The following GLOD4 variants were observed in gnomAD, a reference collection of about 807,000 sequenced individuals.
The protein encoded by GLOD4 is glyoxalase domain containing 4.
In GLOD4, 44 loss-of-function variants were observed where a neutral mutation model predicts 39.1. That is an observed-to-expected ratio of 1.13 (90% CI 0.88 to 1.45). The LOEUF is 1.45. GLOD4 is among the 40% of genes most tolerant of loss of function. The pLI, the probability that GLOD4 is intolerant of heterozygous loss-of-function variation, is 0.00. For synonymous variants in GLOD4, 145 were observed against 135.0 expected, an observed-to-expected ratio of 1.07 and a Z score of -0.52; for missense variants, 405 against 366.4, an observed-to-expected ratio of 1.11 and a Z score of -0.86.
chr17:767,572 C>CA (rs1906840494), intron 8 of GLOD4, among the ~76,000 whole-genome samples: 5 of 148,508 alleles, frequency 3.4e-5, no homozygotes, highest in Non-Finnish European at 7.4e-5. Context: ...AGAAACAGCG[C>CA]ACACTCAGAT....
At chr17:784,603 T>C (rs11655529), upstream of GLOD4, among the ~76,000 whole-genome samples, 2,177 of 152,282 alleles carry the variant, frequency 0.014, 33 homozygotes, top group East Asian at 0.058. Context: ...ATCTTGAACT[T>C]CATCATCATA....
At chr17:783,877 T>G (rs1423816624), upstream of GLOD4, among the ~76,000 whole-genome samples, 2 of 152,240 alleles carry the variant, frequency 1.3e-5, no homozygotes, top group Non-Finnish European at 2.9e-5. Context: ...TTTAGATTAC[T>G]TCTTCAACTT....
At chr17:763,139 C>T (rs4408594) in intron 8 of GLOD4, among the ~76,000 whole-genome samples, 23,230 of 149,318 alleles carry the variant, frequency 0.16, 2,105 homozygotes, top group East Asian at 0.33. Flanking sequence ...GCCGAGATCA[C>T]GCCACTGCAC....
chr17:769,496 C>G (rs1446628630), intron 8 of GLOD4, among the ~76,000 whole-genome samples: 35 of 57,730 alleles, frequency 6.1e-4, no homozygotes, highest in African/African-American at 2.3e-3. Context: ...CATCTCCATG[C>G]AGAGAGCTGA....
chr17:782,076 G>T (rs1180882309), intron 1 of GLOD4, 90 bp downstream of exon 1: 3 of 913,392 alleles, frequency 3.3e-6, no homozygotes, highest in Non-Finnish European at 5.0e-6. Flanking sequence ...TTAGGTTCAC[G>T]ACACACCCAT....
intron 1 of GLOD4, among the ~76,000 whole-genome samples, chr17:779,319 TAAAAAAAAAAAAAAAAAA>T (rs34487169): frequency 9.2e-5 from 4 of 43,358 alleles, no homozygotes; most frequent in Admixed American, 4.3e-4. Flanking sequence ...CATCTCAAAT[TAAAAAAAAAAAAAAAAAA>T]AAAAAAAAAA....
upstream of GLOD4, chr17:782,737 C>T (rs1312477447): frequency 6.5e-7 from 1 of 1,543,878 alleles, no homozygotes; most frequent in Admixed American, 1.9e-5. Context: ...TTTCCCTTCC[C>T]GTCGCACAGC....
chr17:760,234 A>T lies in GLOD4; in HGVS notation c.836T>A (p.Met279Lys), dbSNP rs770288179. 1 of 1,565,134 alleles carries T rather than the reference A, an allele frequency of 6.4e-7. No individual in the cohort carries two copies. The highest frequency in any genetic ancestry group is 8.8e-7 in the Non-Finnish European group (1 of 1,135,136). The change falls in exon 9 of 9, where the codon ATG (methionine) becomes AAG (lysine). Residue 279 changes from methionine to lysine, a missense_variant. Transcript: ENST00000301329. Reference protein sequence around the residue: ...PEGSKLLDDAMAADKSDEWFA... With the variant: ...PEGSKLLDDAKAADKSDEWFA... ...CCACTCGTCACTTTTATCTGCTGCCATTGCCTGTAAAATAGAAATAGAATA... is the reference window on the plus strand; with the variant it reads ...CCACTCGTCACTTTTATCTGCTGCCTTTGCCTGTAAAATAGAAATAGAATA...
chr17:778,474 A>C, intron 2 of GLOD4: 1 of 597,518 alleles, frequency 1.7e-6, no homozygotes. Context: ...ACGCTCCTGA[A>C]GTTGCCTCCC....
chr17:770,541 G>A, intron 5 of GLOD4, 34 bp from the exon 6 acceptor site: 1 of 949,570 alleles, frequency 1.1e-6, no homozygotes. Flanking sequence ...TTTTGGAACA[G>A]GTTATACATT....
chr17:779,159 A>G (rs796728117), intron 1 of GLOD4, among the ~76,000 whole-genome samples: 8 of 152,120 alleles, frequency 5.3e-5, no homozygotes, highest in African/African-American at 1.9e-4. Flanking sequence ...AACTAAAAAT[A>G]CAAAAATTAG....
chr17:771,675 G>A (rs1907967167), intron 4 of GLOD4, among the ~76,000 whole-genome samples: 1 of 152,148 alleles, frequency 6.6e-6, no homozygotes, highest in African/African-American at 2.4e-5. Flanking sequence ...CAAGACCAAT[G>A]CAGGTAAAAC....
At chr17:769,147 T>C (rs1907403747) in intron 8 of GLOD4, among the ~76,000 whole-genome samples, 1 of 152,082 alleles carries the variant, frequency 6.6e-6, no homozygotes, top group African/African-American at 2.4e-5. Context: ...GGGGATCAGA[T>C]GGAGGCATCT....
At position 771,345 on chromosome 17, in the gene GLOD4, G is replaced by A. The variant is rs758937828; in HGVS notation, c.523C>T (p.Leu175=). 1.2e-6 allele frequency: 2 copies of A among 1,602,224 alleles called. No individual in the cohort carries two copies. Among genetic ancestry groups the A allele is most frequent in the Admixed American group, 3.4e-5 (2 of 58,438 alleles). ...CTCACCTGGTTATCAGCATAGCCCA[G>A]CAAAGCCCTTTGCTTTTCTTCATCT... ...EKDEEKQRAL[L]GYADNQCKLE... Residue 175 remains leucine, a synonymous_variant, in exon 5 of 9, where the codon CTG becomes TTG. Coordinates refer to ENST00000301329, the MANE Select transcript of GLOD4 (RefSeq NM_016080.4).
chr17:780,810 G>C (rs1909792481), intron 1 of GLOD4: 1 of 152,604 alleles, frequency 6.6e-6, no homozygotes, highest in Non-Finnish European at 1.5e-5. Flanking sequence ...TCATCACCCA[G>C]GTTGGAAAAC....
At chr17:778,495 C>T (rs1363741729) in intron 2 of GLOD4, 200 bp downstream of exon 2, 1 of 599,208 alleles carries the variant, frequency 1.7e-6, no homozygotes, top group East Asian at 2.8e-5. Context: ...TAATTTACTG[C>T]CTTCTTAATT....
chr17:777,100 T>C (rs1008484345), intron 2 of GLOD4, 112 bp from the exon 3 acceptor site: 3 of 1,007,876 alleles, frequency 3.0e-6, no homozygotes, highest in Non-Finnish European at 4.6e-6. Flanking sequence ...TCCTAAAAGT[T>C]CTCTTAAGGA....
intron 8 of GLOD4, among the ~76,000 whole-genome samples, chr17:761,448 T>C (rs1247854112): frequency 6.6e-6 from 1 of 152,246 alleles, no homozygotes; most frequent in Non-Finnish European, 1.5e-5. Flanking sequence ...TTCTGTCTTT[T>C]AGGAGCCATA....
At chr17:779,653 G>T (rs1214273077) in intron 1 of GLOD4, among the ~76,000 whole-genome samples, 2 of 150,748 alleles carry the variant, frequency 1.3e-5, no homozygotes, top group African/African-American at 4.9e-5. Flanking sequence ...AAAAAAAAAA[G>T]TCTGATTTGG....
Sources: allele counts gnomAD v4.1 joint callset (sites outside exome capture counted in the v4.1 genomes callset), GRCh38; gene constraint gnomAD v4.1.1; transcripts MANE v1.5; gene names NCBI Gene and HGNC (gene_info 2026-07-23, HGNC 2026-07-21).